ANO3: variants seen among roughly 807,000 people sequenced by gnomAD.
ANO3 encodes the protein anoctamin-3.
A neutral mutation model predicts 144.8 loss-of-function variants in ANO3; 99 were observed. That is an observed-to-expected ratio of 0.68 (90% confidence interval 0.58 to 0.81). The LOEUF is 0.81. ANO3 is among the 30% of genes least tolerant of loss of function. ANO3 has a pLI of 0.00. For missense variants in ANO3, 905 were observed against 1,202.2 expected (o/e 0.75, Z 3.66); for synonymous variants, 414 against 392.6 (o/e 1.05, Z -0.64).
Position 26,599,007 on chromosome 11 carries a change from T to C in ANO3, c.1671+9T>C, listed in dbSNP as rs377766692. 9.3e-5 allele frequency: 150 copies of C among 1,610,912 alleles called. No homozygotes were observed. The African/African-American group carries it at 1.7e-3, about 18-fold the overall frequency. On this transcript the variant is annotated intron_variant, in intron 16 of 26. Coordinates refer to ENST00000256737, the MANE Select transcript of ANO3 (RefSeq NM_031418.4). ...CAGGAATATTCTTCATGGTAAAGTA[T>C]AGGCATCGATATCAAAATGTTTTGG...
At chr11:26,418,729 GTCTC>G (rs60306274) in intron 1 of ANO3, among the ~76,000 whole-genome samples, 6 of 150,702 alleles carry the variant, frequency 4.0e-5, no homozygotes, top group South Asian at 4.2e-4. Context: ...CACACACACT[GTCTC>G]TCTCTCTCTC....
chr11:26,328,978 C>A (rs1344453990), upstream of ANO3, among the ~76,000 whole-genome samples: 1 of 151,816 alleles, frequency 6.6e-6, no homozygotes, highest in Non-Finnish European at 1.5e-5. Flanking sequence ...AGAGTCAAGA[C>A]TGTACTGTGT....
At chr11:26,371,596 G>A (rs2133938669) in intron 1 of ANO3, among the ~76,000 whole-genome samples, 1 of 152,352 alleles carries the variant, frequency 6.6e-6, no homozygotes, top group East Asian at 1.9e-4. Context: ...CATGAGGGCA[G>A]CCAGGAGGGG....
intron 1 of ANO3, among the ~76,000 whole-genome samples, chr11:26,369,359 C>T (rs1169554042): frequency 1.3e-5 from 2 of 152,058 alleles, no homozygotes; most frequent in African/African-American, 4.8e-5. Context: ...TTCTAATTTT[C>T]AGTGTTTTCC....
At chr11:26,250,695 C>T (rs1370250385) in intron 1 of ANO3, among the ~76,000 whole-genome samples, 7 of 152,180 alleles carry the variant, frequency 4.6e-5, no homozygotes, top group South Asian at 2.1e-4. Context: ...TTTCACTTAA[C>T]TTATCCATGC....
At chr11:26,416,624 A>G (rs1003670895) in intron 1 of ANO3, among the ~76,000 whole-genome samples, 7 of 151,910 alleles carry the variant, frequency 4.6e-5, no homozygotes, top group Admixed American at 4.6e-4. Context: ...ATGGGGTTTC[A>G]CCATGTTGGC....
intron 17 of ANO3, among the ~76,000 whole-genome samples, chr11:26,608,044 G>T (rs571096472): frequency 1.6e-4 from 25 of 152,270 alleles, no homozygotes; most frequent in African/African-American, 4.8e-4. Flanking sequence ...GCATTTTTTC[G>T]TTGATTCTTT....
chr11:26,442,175 T>G, intron 2 of ANO3, 63 bp downstream of exon 2: 1 of 1,495,978 alleles, frequency 6.7e-7, no homozygotes, highest in Non-Finnish European at 9.1e-7. Context: ...CAAACACTCC[T>G]TTCCTTCCTT....
At chr11:26,332,992 C>A (rs1855095430) in intron 1 of ANO3, among the ~76,000 whole-genome samples, 1 of 152,064 alleles carries the variant, frequency 6.6e-6, no homozygotes, top group Admixed American at 6.6e-5. Context: ...ACTCTTTGAT[C>A]TTTGTTTCTT....
At chr11:26,527,664 T>C (rs1447564911) in intron 7 of ANO3, among the ~76,000 whole-genome samples, 1 of 152,130 alleles carries the variant, frequency 6.6e-6, no homozygotes, top group African/African-American at 2.4e-5. Flanking sequence ...CGGTACATAT[T>C]AGGGGATAAA....
At chr11:26,561,336 T>C in intron 14 of ANO3, 1 of 742,532 alleles carries the variant, frequency 1.3e-6, no homozygotes, top group Non-Finnish European at 2.0e-6. Flanking sequence ...AATATATTTT[T>C]ATATGGGCTT....
chr11:26,486,153 G>C (rs541646837), intron 4 of ANO3, among the ~76,000 whole-genome samples: 114 of 152,158 alleles, frequency 7.5e-4, no homozygotes, highest in Middle Eastern at 3.4e-3. Context: ...ATGAGGTCAG[G>C]AGTTCAAGAC....
At chr11:26,615,414 A>ATATATATATATATTTT (rs1352935016) in intron 17 of ANO3, among the ~76,000 whole-genome samples, 102 of 130,646 alleles carry the variant, frequency 7.8e-4, no homozygotes, top group Admixed American at 1.5e-3. Context: ...ATATATATAT[A>ATATATATATATATTTT]TTTTTTTTTT....
intron 1 of ANO3, among the ~76,000 whole-genome samples, chr11:26,283,372 C>T (rs938147159): frequency 4.7e-5 from 4 of 85,904 alleles, no homozygotes; most frequent in Admixed American, 1.6e-4. Context: ...ATATAGCGAG[C>T]ATTTTTTCTG....
At chr11:26,530,627 G>A (rs891002638) in intron 7 of ANO3, among the ~76,000 whole-genome samples, 6 of 151,570 alleles carry the variant, frequency 4.0e-5, no homozygotes, top group Non-Finnish European at 2.9e-5. Context: ...TTGGGAGGCC[G>A]AGGCGGGTGG....
intron 18 of ANO3, among the ~76,000 whole-genome samples, chr11:26,632,313 G>A (rs74482993): frequency 1.1e-3 from 165 of 151,422 alleles, no homozygotes; most frequent in African/African-American, 4.0e-3. Flanking sequence ...TCAGGAGTTC[G>A]AGACCAGTCT....
chr11:26,312,272 C>T (rs11029510), intron 1 of ANO3, among the ~76,000 whole-genome samples: 3,052 of 152,272 alleles, frequency 0.02, 64 homozygotes, highest in East Asian at 0.12. Context: ...GGTTCCAAGT[C>T]TTTGCTATTG....
chr11:26,540,197 T>C (rs1849609660), intron 10 of ANO3, among the ~76,000 whole-genome samples: 1 of 152,046 alleles, frequency 6.6e-6, no homozygotes. Context: ...GAATATCTTA[T>C]CTGAAATAAA....
chr11:26,292,117 C>CT (rs1426971083), intron 1 of ANO3, among the ~76,000 whole-genome samples: 2 of 152,042 alleles, frequency 1.3e-5, no homozygotes, highest in African/African-American at 2.4e-5. Flanking sequence ...TCTTTTTATT[C>CT]TTTTTTCTCT....
Sources: allele counts gnomAD v4.1 joint callset (sites outside exome capture counted in the v4.1 genomes callset), GRCh38; gene constraint gnomAD v4.1.1; transcripts MANE v1.5; gene names NCBI Gene and HGNC (gene_info 2026-07-23, HGNC 2026-07-21).